GRK1: variants seen among roughly 807,000 people sequenced by gnomAD.
The protein encoded by GRK1 is G protein-coupled receptor kinase 1, also known as rhodopsin kinase GRK1.
GRK1 carries 28 observed loss-of-function variants against 41.7 expected under a neutral mutation model. That is an observed-to-expected ratio of 0.67 (90% confidence interval 0.50 to 0.92). GRK1 has a LOEUF of 0.92. Ranked by LOEUF, GRK1 falls within the 40% of genes least tolerant of loss-of-function variation. The pLI is 0.00. For synonymous variants in GRK1, 327 were observed against 286.7 expected (o/e 1.14, Z -1.42); for missense variants, 703 against 671.2 (o/e 1.05, Z -0.52).
upstream of GRK1, among the ~76,000 whole-genome samples, chr13:113,665,676 C>T (rs2049813223): frequency 6.7e-6 from 1 of 148,184 alleles, no homozygotes; most frequent in African/African-American, 2.5e-5. Flanking sequence ...AGGTGTGTGT[C>T]CTAGGTGTGC....
Position 113,734,033 on chromosome 13 carries a change from C to CGT in GRK1, c.1396+949_1396+950dup, listed in dbSNP as rs2049982551. On this transcript the variant is annotated intron_variant, in intron 6 of 6. Transcript: ENST00000335678. The stretch of plus-strand genomic sequence containing the variant: ...GCGTGCATGTGTGTGCGTGCGTGTG[C>CGT]GTATGTGTGTGTGCATACGTGTGTG... 1.3e-4 allele frequency among the ~76,000 whole-genome samples: 13 copies of CGT among 97,468 alleles called. 1 individual carries two copies. Among genetic ancestry groups the CGT allele is most frequent in the African/African-American group, 5.8e-4 (12 of 20,746 alleles). The allele number at this position is 97,468 out of a possible 152,430, so 63.9% of individuals were successfully genotyped here.
upstream of GRK1, among the ~76,000 whole-genome samples, chr13:113,664,150 A>G (rs1189083333): frequency 2.1e-4 from 32 of 152,096 alleles, no homozygotes; most frequent in Non-Finnish European, 1.2e-4. The surrounding 1 kb of genome is among the most constrained non-coding windows in gnomAD (Gnocchi z 5.4). Flanking sequence ...CTGAAAGGCT[A>G]CATAGTGTCT....
intron 4 of GRK1, among the ~76,000 whole-genome samples, chr13:113,723,801 C>A (rs2049871925): frequency 6.8e-6 from 1 of 145,998 alleles, no homozygotes; most frequent in Non-Finnish European, 1.5e-5. Flanking sequence ...TGTGTGCCTG[C>A]ATGTGTGCCT....
At chr13:113,672,488 G>A in intron 3 of GRK1, among the ~76,000 whole-genome samples, 1 of 148,388 alleles carries the variant, frequency 6.7e-6, no homozygotes, top group East Asian at 2.0e-4. Context: ...TCTGTATGGT[G>A]TGGTACATGG....
the GRK1 span, chr13:113,650,443 C>A: frequency 6.2e-7 from 1 of 1,614,100 alleles, no homozygotes; most frequent in South Asian, 1.1e-5. This position sits in a 1 kb window ranked among gnomAD's most constrained non-coding sequence, Gnocchi z 5.0. Context: ...GTAGTGCAGA[C>A]TGAAGGTGCC....
chr13:113,666,033 G>T (rs772328087), upstream of GRK1, among the ~76,000 whole-genome samples: 1 of 147,530 alleles, frequency 6.8e-6, no homozygotes, highest in Non-Finnish European at 1.5e-5. Context: ...TCTCAGGTGT[G>T]CCCCAGGCAT....
rs1421245319 is a variant in GRK1 at position 113,667,665 on chromosome 13, G to C, written c.279G>C (p.Glu93Asp). The C allele has an allele frequency of 6.2e-7, 1 of 1,613,592 alleles. No individual in the cohort carries two copies. Among genetic ancestry groups the C allele is most frequent in the African/African-American group, 1.3e-5 (1 of 75,054 alleles). ...CCCTGGAGCTCTGGAAAGACATCGA[G>C]GACTATGACACGGCAGACAATGACC... ...LPALELWKDI[E>D]DYDTADNDLQ... The change falls in exon 1 of 7, where the codon GAG (glutamate) becomes GAC (aspartate). Residue 93 changes from glutamate to aspartate, a missense_variant. Transcript: ENST00000335678. This position sits in a 1 kb window ranked among gnomAD's most constrained non-coding sequence, Gnocchi z 7.5.
chr13:113,668,581 CCT>C (rs1269010431), intron 1 of GRK1, among the ~76,000 whole-genome samples: 1 of 152,230 alleles, frequency 6.6e-6, no homozygotes, highest in African/African-American at 2.4e-5. Context: ...GAACTGTTCC[CCT>C]GAGTGTGCTG....
At chr13:113,728,314 ATACCCATGGCAAGGAG>A (rs2049908032) in intron 4 of GRK1, among the ~76,000 whole-genome samples, 1 of 65,876 alleles carries the variant, frequency 1.5e-5, no homozygotes, top group Non-Finnish European at 2.6e-5. Context: ...GCGATGAGGA[ATACCCATGGCAAGGAG>A]TACCCATGGT....
chr13:113,671,504 A>C lies in GRK1; in HGVS notation c.833A>C (p.His278Pro), dbSNP rs1478582451. ...TIMNGGDIRY[H>P]IYNVNEENPG... ...TCCCACGTGTCTTCCCCCAGGTACC[A>C]CATCTACAACGTGAATGAGGAGAAC... Residue 278 changes from histidine to proline, a missense_variant, in exon 3 of 7, where the codon CAC becomes CCC. Transcript: ENST00000335678. The surrounding 1 kb of genome is among the most constrained non-coding windows in gnomAD (Gnocchi z 4.1). 1 of 779,196 alleles carries C rather than the reference A, an allele frequency of 1.3e-6. No homozygotes were observed. The highest frequency in any genetic ancestry group is 2.4e-5 in the East Asian group (1 of 41,260). 48.3% of individuals were successfully genotyped at this position (779,196 alleles called of 1,614,324 possible).
At chr13:113,653,417 C>A in the GRK1 span, 1 of 1,614,240 alleles carries the variant, frequency 6.2e-7, no homozygotes, top group East Asian at 2.2e-5. Context: ...CCGTAAACAT[C>A]CGGCCTTAAG....
At chr13:113,650,441 G>T in the GRK1 span, 1 of 1,614,080 alleles carries the variant, frequency 6.2e-7, no homozygotes, top group South Asian at 1.1e-5. This position sits in a 1 kb window ranked among gnomAD's most constrained non-coding sequence, Gnocchi z 5.0. Flanking sequence ...AAGTAGTGCA[G>T]ACTGAAGGTG....
intron 2 of GRK1, among the ~76,000 whole-genome samples, chr13:113,670,912 G>A (rs1238510266): frequency 6.6e-6 from 1 of 152,210 alleles, no homozygotes; most frequent in Admixed American, 6.5e-5. Flanking sequence ...GGAGGGCCTG[G>A]TGGCTCTGGC....
At chr13:113,663,360 C>T (rs777641213), upstream of GRK1, among the ~76,000 whole-genome samples, 2 of 152,102 alleles carry the variant, frequency 1.3e-5, no homozygotes, top group Non-Finnish European at 2.9e-5. Context: ...TGGATATGAA[C>T]GTAAATGTAA....
Position 113,668,104 on chromosome 13 carries a change from C to T in GRK1, c.699+19C>T. On this transcript the variant is annotated intron_variant, in intron 1 of 6. Transcript: ENST00000335678. The stretch of plus-strand genomic sequence containing the variant: ...CTACCAGGTGAGCAGCGCGACCCGG[C>T]CAGCAGGGATGGGGTGGCAGGGTGC... 6.3e-7 allele frequency: 1 copy of T among 1,586,300 alleles called. No individual in the cohort carries two copies. Among genetic ancestry groups the T allele is most frequent in the Non-Finnish European group, 8.6e-7 (1 of 1,167,190 alleles).
In GRK1 at chr13:113,671,568, G is replaced by T; in HGVS notation, c.897G>T (p.Ala299=). 1.3e-6 allele frequency: 1 copy of T among 777,486 alleles called. No individual in the cohort carries two copies. The allele number at this position is 777,486 out of a possible 1,614,324, so 48.2% of individuals were successfully genotyped here. A position where few individuals can be genotyped will look rare whatever the true frequency, so the allele number is the denominator to read the frequency against. ...AGCCGCGCGCCCTCTTCTACACGGC[G>T]CAGATCATCTGCGGCCTGGAGCACC... ...FPEPRALFYT[A]QIICGLEHLH... The change falls in exon 3 of 7, where the codon GCG becomes GCT. Residue 299 remains alanine (A), a synonymous_variant. Transcript: ENST00000335678. This position sits in a 1 kb window ranked among gnomAD's most constrained non-coding sequence, Gnocchi z 4.1.
At chr13:113,651,417 G>A in the GRK1 span, among the ~76,000 whole-genome samples, 30,897 of 152,248 alleles carry the variant, frequency 0.2, 5,188 homozygotes, top group African/African-American at 0.47. Context: ...GCGTTTTGAA[G>A]CGTGCTGCTG....
At chr13:113,651,064 G>A in the GRK1 span, among the ~76,000 whole-genome samples, 1 of 152,060 alleles carries the variant, frequency 6.6e-6, no homozygotes, top group Non-Finnish European at 1.5e-5. Flanking sequence ...CACCGAGAGT[G>A]GAGGCTTCGA....
chr13:113,658,138 C>G, the GRK1 span: 2 of 1,611,796 alleles, frequency 1.2e-6, no homozygotes, highest in African/African-American at 2.7e-5. Context: ...TCCTGCAGAG[C>G]CGCCATCGTC....
Sources: gnomAD v4.1 joint callset for allele counts (sites outside exome capture counted in the v4.1 genomes callset) on GRCh38, gnomAD v4.1.1 for gene constraint, Gnocchi (gnomAD v3.1) non-coding constraint, MANE v1.5 for transcripts, NCBI Gene and HGNC (gene_info 2026-07-23, HGNC 2026-07-21) for gene names.